Variants in RASSF3 observed in about 807,000 individuals in gnomAD.
RASSF3 encodes the protein Ras association domain family member 3.
Under a neutral mutation model 19.9 loss-of-function variants are expected in RASSF3, and 19 were observed. The observed-to-expected ratio is 0.96, with a 90% CI of 0.67 to 1.40. The LOEUF (loss-of-function observed/expected upper bound fraction) is 1.40. Ranked by LOEUF, RASSF3 falls within the 40% of genes most tolerant of loss-of-function variation. RASSF3 has a pLI of 0.00. For missense variants in RASSF3, 306 were observed against 289.8 expected (o/e 1.06, Z -0.41); for synonymous variants, 110 against 104.2 (o/e 1.06, Z -0.34).
intron 1 of RASSF3, among the ~76,000 whole-genome samples, chr12:64,680,785 TG>T (rs1480049651): frequency 6.6e-6 from 1 of 152,074 alleles, no homozygotes; most frequent in East Asian, 1.9e-4. Flanking sequence ...AGCTAATTTT[TG>T]TATTTTTAAT....
chr12:64,642,633 T>TAATA (rs1263599613), intron 1 of RASSF3, among the ~76,000 whole-genome samples: 1 of 148,168 alleles, frequency 6.7e-6, no homozygotes, highest in Non-Finnish European at 1.5e-5. Context: ...TGTAATTAAT[T>TAATA]AATACAAAGT....
At chr12:64,542,859 G>A (rs1416290598), downstream of RASSF3, among the ~76,000 whole-genome samples, 2 of 152,192 alleles carry the variant, frequency 1.3e-5, no homozygotes, top group African/African-American at 2.4e-5. Context: ...GCCCGCCGCT[G>A]CACTGTGGGA....
intron 1 of RASSF3, among the ~76,000 whole-genome samples, 161 bp from the exon 2 acceptor site, chr12:64,684,626 T>G (rs1164524347): frequency 6.6e-6 from 1 of 151,854 alleles, no homozygotes; most frequent in East Asian, 1.9e-4. Flanking sequence ...AGACAGGGTT[T>G]CTCCATTTTG....
intron 1 of RASSF3, among the ~76,000 whole-genome samples, chr12:64,615,471 C>T (rs777455522): frequency 3.9e-5 from 6 of 152,182 alleles, no homozygotes; most frequent in South Asian, 4.1e-4. Context: ...CTCCCCATAG[C>T]AGGCCTCAAC....
chr12:64,622,386 T>C lies in RASSF3; in HGVS notation c.111+11643T>C, dbSNP rs77545561. ...GTCCTAACTTATTTTGTAAGTATAC[T>C]AGGTATTGAAAAAAGGATGGTAGGA... On this transcript the variant is annotated intron_variant, in intron 1 of 4. Coordinates refer to ENST00000542104, the MANE Select transcript of RASSF3 (RefSeq NM_178169.4). 3,101 of 498,450 alleles carry C rather than the reference T, an allele frequency of 6.2e-3. 16 individuals carry two copies. The highest frequency in any genetic ancestry group is 9.1e-3 in the Non-Finnish European group (2,264 of 250,070). The allele number at this position is 498,450 out of a possible 1,614,324, so 30.9% of individuals were successfully genotyped here.
At chr12:64,611,709 A>C (rs1474285946) in intron 1 of RASSF3, 1 of 152,304 alleles carries the variant, frequency 6.6e-6, no homozygotes, top group African/African-American at 2.4e-5. Context: ...ATTTCTATTA[A>C]TACCGGACTG....
chr12:64,519,763 CAATA>C (rs1868429447), intron 1 of RASSF3, among the ~76,000 whole-genome samples: 1 of 151,778 alleles, frequency 6.6e-6, no homozygotes, highest in South Asian at 2.1e-4. Flanking sequence ...AATCATATCT[CAATA>C]AAGTGTTTAT....
At chr12:64,588,928 G>A (rs928037620) in intron 2 of RASSF3, among the ~76,000 whole-genome samples, 1 of 151,928 alleles carries the variant, frequency 6.6e-6, no homozygotes, top group Admixed American at 6.6e-5. Context: ...TCTTTTTAAC[G>A]GAGTCAAAAT....
chr12:64,605,026 C>T (rs1236950997), intron 2 of RASSF3, among the ~76,000 whole-genome samples: 1 of 151,096 alleles, frequency 6.6e-6, no homozygotes, highest in Non-Finnish European at 1.5e-5. Flanking sequence ...TGCTCTGTTG[C>T]CCAGGCTGTA....
At chr12:64,616,695 T>G (rs772422068) in intron 1 of RASSF3, among the ~76,000 whole-genome samples, 31 of 152,238 alleles carry the variant, frequency 2.0e-4, no homozygotes, top group Non-Finnish European at 4.1e-4. Context: ...TCTTTGCATC[T>G]TCCTCTGTTT....
chr12:64,531,717 G>A (rs187936875), upstream of RASSF3, among the ~76,000 whole-genome samples: 9 of 152,170 alleles, frequency 5.9e-5, no homozygotes, highest in Admixed American at 2.0e-4. Flanking sequence ...TCCTTCCCTC[G>A]GGTGTGTAAA....
chr12:64,579,806 T>TG (rs1371234240), intron 2 of RASSF3, among the ~76,000 whole-genome samples: 3 of 132,714 alleles, frequency 2.3e-5, no homozygotes, highest in Non-Finnish European at 4.8e-5. Flanking sequence ...GGTGTTTTTT[T>TG]GGGTTTTTTT....
At chr12:64,508,625 C>G (rs1244155191) in intron 1 of RASSF3, among the ~76,000 whole-genome samples, 1 of 152,090 alleles carries the variant, frequency 6.6e-6, no homozygotes, top group Middle Eastern at 3.4e-3. Context: ...CGGCTCATGC[C>G]TGTAATCCCA....
chr12:64,516,546 G>C (rs1213565925), intron 1 of RASSF3, among the ~76,000 whole-genome samples: 1 of 149,572 alleles, frequency 6.7e-6, no homozygotes, highest in Non-Finnish European at 1.5e-5. Flanking sequence ...GTGAACCCGG[G>C]AGGCGGAGCT....
chr12:64,568,342 G>T (rs139922470), intron 2 of RASSF3, among the ~76,000 whole-genome samples: 592 of 152,138 alleles, frequency 3.9e-3, no homozygotes, highest in African/African-American at 0.013. Context: ...CGCTTGTTTG[G>T]TTTTTTAAAC....
At chr12:64,638,599 A>G (rs1471957809) in intron 1 of RASSF3, among the ~76,000 whole-genome samples, 1 of 146,942 alleles carries the variant, frequency 6.8e-6, no homozygotes, top group Non-Finnish European at 1.5e-5. Context: ...AAAAAAAAGT[A>G]ATATGAATAC....
At position 64,694,900 on chromosome 12, in the gene RASSF3, G is replaced by A; in HGVS notation, c.705G>A (p.Trp235Ter). 6.2e-7 allele frequency: 1 copy of A among 1,614,092 alleles called. No individual in the cohort carries two copies. The highest frequency in any genetic ancestry group is 8.5e-7 in the Non-Finnish European group (1 of 1,180,012). Residue 235 changes from tryptophan to a stop codon, truncating the protein, a stop_gained, in exon 5 of 5, where the codon TGG becomes TGA. Coordinates refer to ENST00000542104, the MANE Select transcript of RASSF3 (RefSeq NM_178169.4). LOFTEE classifies it high-confidence loss of function. ...QKLEEALREV[W>*]KPD ...TGGAAGAAGCCCTCCGTGAGGTGTG[G>A]AAGCCTGATTAAAGCGGGGCTCCCT...
chr12:64,571,871 G>T (rs1166696813), intron 2 of RASSF3, among the ~76,000 whole-genome samples: 3 of 152,164 alleles, frequency 2.0e-5, no homozygotes, highest in African/African-American at 7.2e-5. Context: ...AGGCTTGCTG[G>T]TATAGACAGT....
intron 1 of RASSF3, chr12:64,533,547 TTGTAGGCAAACG>T (rs1868759685): frequency 6.6e-6 from 1 of 152,234 alleles, no homozygotes; most frequent in Admixed American, 6.5e-5. Context: ...GTTTTATTTC[TTGTAGGCAAACG>T]TGCTTTCAAA....
Sources: allele counts gnomAD v4.1 joint callset (sites outside exome capture counted in the v4.1 genomes callset), GRCh38; gene constraint gnomAD v4.1.1; transcripts MANE v1.5; gene names NCBI Gene and HGNC (gene_info 2026-07-23, HGNC 2026-07-21).